The following MMP26 variants were observed in gnomAD, a reference collection of about 807,000 sequenced individuals.
MMP26 encodes matrix metallopeptidase 26, also known as matrix metalloproteinase-26.
A neutral mutation model predicts 31.0 loss-of-function variants in MMP26; 33 were observed. The observed-to-expected ratio is 1.06, with a 90% CI of 0.81 to 1.42. The LOEUF is 1.42. Among genes scored for constraint, MMP26 ranks in the 40% most tolerant of loss-of-function variants. MMP26 has a pLI of 0.00. For synonymous variants in MMP26, 122 were observed against 114.9 expected, an observed-to-expected ratio of 1.06 and a Z score of -0.40; for missense variants, 347 against 316.1, an observed-to-expected ratio of 1.10 and a Z score of -0.74.
chr11:4,914,868 T>A (rs762169548), intron 2 of MMP26: 1 of 1,614,080 alleles, frequency 6.2e-7, no homozygotes, highest in Non-Finnish European at 8.5e-7. Flanking sequence ...AAGCGATGGA[T>A]GACAGAGAGG....
At chr11:4,728,258 T>C (rs1335496671) in intron 1 of MMP26, among the ~76,000 whole-genome samples, 1 of 152,196 alleles carries the variant, frequency 6.6e-6, no homozygotes. Context: ...AAGAAGAAAT[T>C]AAAACTTACA....
At chr11:4,770,046 G>C in intron 2 of MMP26, 1 of 603,082 alleles carries the variant, frequency 1.7e-6, no homozygotes, top group Middle Eastern at 3.9e-4. Context: ...TCATAGATAA[G>C]ATCTGCATCA....
chr11:4,722,470 CTTTTTTT>C (rs60627073), intron 1 of MMP26, among the ~76,000 whole-genome samples: 10 of 63,992 alleles, frequency 1.6e-4, no homozygotes, highest in East Asian at 4.0e-4. Flanking sequence ...GAAGTAATTA[CTTTTTTT>C]TTTTTTTTTT....
chr11:4,978,116 G>A (rs1846764401), intron 2 of MMP26, among the ~76,000 whole-genome samples: 1 of 152,054 alleles, frequency 6.6e-6, no homozygotes, highest in Admixed American at 6.6e-5. Context: ...CATGTAGGAT[G>A]TGCCTTTGCT....
At chr11:4,796,839 C>T (rs1481225701) in intron 2 of MMP26, among the ~76,000 whole-genome samples, 1 of 151,962 alleles carries the variant, frequency 6.6e-6, no homozygotes, top group Non-Finnish European at 1.5e-5. Context: ...GTCCAGGAAC[C>T]TTGGGAAAAG....
intron 2 of MMP26, among the ~76,000 whole-genome samples, chr11:4,850,577 A>G (rs1055402504): frequency 6.6e-6 from 1 of 152,220 alleles, no homozygotes; most frequent in Non-Finnish European, 1.5e-5. Context: ...CTGGACAAAA[A>G]GACCACGAAA....
chr11:4,743,351 C>T (rs1275048850), intron 1 of MMP26, among the ~76,000 whole-genome samples: 1 of 151,990 alleles, frequency 6.6e-6, no homozygotes. Context: ...CAATTATTTC[C>T]TTATGTGCTA....
chr11:4,805,394 C>T (rs961010358), intron 2 of MMP26, among the ~76,000 whole-genome samples: 3 of 152,200 alleles, frequency 2.0e-5, no homozygotes, highest in African/African-American at 7.2e-5. Flanking sequence ...CCTATACTGT[C>T]TGTTGCAGCA....
At chr11:4,722,944 C>T (rs1848035598) in intron 1 of MMP26, 2 of 788,624 alleles carry the variant, frequency 2.5e-6, no homozygotes, top group Admixed American at 1.7e-5. Flanking sequence ...CACTGGTGGT[C>T]TTTGTATGGA....
chr11:4,756,455 C>T (rs1848505174), intron 1 of MMP26, among the ~76,000 whole-genome samples: 1 of 151,022 alleles, frequency 6.6e-6, no homozygotes, highest in Non-Finnish European at 1.5e-5. Flanking sequence ...AAGATAAGAA[C>T]AAGCATAAAA....
intron 2 of MMP26, among the ~76,000 whole-genome samples, chr11:4,940,539 T>C (rs1846192308): frequency 6.6e-6 from 1 of 152,212 alleles, no homozygotes. Flanking sequence ...GATAATAAAG[T>C]GATCAGAAGT....
At chr11:4,712,636 T>C (rs1847876623) in intron 1 of MMP26, among the ~76,000 whole-genome samples, 1 of 152,136 alleles carries the variant, frequency 6.6e-6, no homozygotes, top group African/African-American at 2.4e-5. Context: ...AAGAATGTTA[T>C]TGTGAAAGTA....
At chr11:4,984,663 G>A (rs985434423) in intron 2 of MMP26, among the ~76,000 whole-genome samples, 9 of 151,912 alleles carry the variant, frequency 5.9e-5, no homozygotes, top group Non-Finnish European at 1.2e-4. Flanking sequence ...GAAAATATGA[G>A]GGCTTCTTTA....
Position 4,988,234 on chromosome 11 carries a change from T to A in MMP26, c.23T>A (p.Val8Asp). Residue 8 changes from valine to aspartate, a missense_variant, in exon 3 of 8, where the codon GTT becomes GAT. Physicochemically the swap from Val to Asp is radical, Grantham distance 152. Transcript: ENST00000380390. Reference protein sequence around the residue: MQLVILRVTIFLPWCFAV... With the variant: MQLVILRDTIFLPWCFAV... ...GGCATGCAGCTCGTCATCTTAAGAG[T>A]TACTATCTTCTTGCCCTGGTGTTTC... 6.2e-7 allele frequency: 1 copy of A among 1,613,914 alleles called. No homozygotes were observed. The highest frequency in any genetic ancestry group is 8.5e-7 in the Non-Finnish European group (1 of 1,179,978).
At chr11:4,833,351 G>A (rs1467901549) in intron 2 of MMP26, among the ~76,000 whole-genome samples, 1 of 152,176 alleles carries the variant, frequency 6.6e-6, no homozygotes, top group Non-Finnish European at 1.5e-5. Context: ...AGAAGGAAGA[G>A]CAAAACTCTT....
rs974592256 is a variant in MMP26 at position 4,952,891 on chromosome 11, G to A, written c.-144-35177G>A. Among the ~76,000 whole-genome samples the A allele has an allele frequency of 1.6e-5, 2 of 124,674 alleles. 1 individual carries two copies. The highest frequency in any genetic ancestry group is 5.5e-5 in the African/African-American group (2 of 36,648). The allele number at this position is 124,674 out of a possible 152,430, so 81.8% of individuals were successfully genotyped here. On this transcript the variant is annotated intron_variant, in intron 2 of 7. Coordinates refer to ENST00000380390, the MANE Select transcript of MMP26 (RefSeq NM_021801.5). Reference sequence around the variant, plus strand: ...TGGGAGGTACTGTCAGCTGTGGGCTGATTATTTTTTTTAAGCATTTGACAT... The same window carrying A: ...TGGGAGGTACTGTCAGCTGTGGGCTAATTATTTTTTTTAAGCATTTGACAT...
intron 2 of MMP26, among the ~76,000 whole-genome samples, chr11:4,780,664 T>C (rs1051154443): frequency 1.3e-5 from 2 of 152,150 alleles, no homozygotes; most frequent in Non-Finnish European, 2.9e-5. Context: ...CAGGTTCTTA[T>C]AAAGCTAAAC....
intron 1 of MMP26, among the ~76,000 whole-genome samples, chr11:4,728,897 A>G (rs1050447142): frequency 1.3e-5 from 2 of 152,020 alleles, no homozygotes; most frequent in South Asian, 2.1e-4. Context: ...TCAATATTCA[A>G]TGTGCATTTT....
chr11:4,893,163 A>G (rs1385764418), intron 2 of MMP26, among the ~76,000 whole-genome samples: 2 of 152,136 alleles, frequency 1.3e-5, no homozygotes, highest in African/African-American at 2.4e-5. Flanking sequence ...TACATACTAC[A>G]TATTATTTTA....
Sources: gnomAD v4.1 joint callset for allele counts (sites outside exome capture counted in the v4.1 genomes callset) on GRCh38, gnomAD v4.1.1 for gene constraint, MANE v1.5 for transcripts, NCBI Gene and HGNC (gene_info 2026-07-23, HGNC 2026-07-21) for gene names.